ERGIC2: variants seen among roughly 807,000 people sequenced by gnomAD.
ERGIC2 encodes ERGIC and golgi 2.
Under a neutral mutation model 52.5 loss-of-function variants are expected in ERGIC2, and 31 were observed. That is an observed-to-expected ratio of 0.59 (90% CI 0.44 to 0.80). The LOEUF is 0.80. Ranked by LOEUF, ERGIC2 falls within the 30% of genes least tolerant of loss-of-function variation. The probability of loss-of-function intolerance (pLI) is 0.00; values close to 1 mark genes in which losing one functional copy is unlikely to be tolerated. For synonymous variants in ERGIC2, 129 were observed against 140.6 expected (o/e 0.92, Z 0.58); for missense variants, 395 against 455.2 (o/e 0.87, Z 1.20).
At chr12:29,373,437 T>C (rs1940470920) in intron 1 of ERGIC2, among the ~76,000 whole-genome samples, 1 of 152,078 alleles carries the variant, frequency 6.6e-6, no homozygotes, top group Non-Finnish European at 1.5e-5. Flanking sequence ...ATAATGTCTC[T>C]GGAAGAGAGC....
intron 6 of ERGIC2, among the ~76,000 whole-genome samples, chr12:29,357,979 C>A (rs1361159154): frequency 1.3e-5 from 2 of 152,146 alleles, no homozygotes; most frequent in Admixed American, 6.5e-5. Context: ...CCATCAGGAC[C>A]ACCAAAGTAG....
chr12:29,375,819 C>T (rs531864397), intron 1 of ERGIC2, among the ~76,000 whole-genome samples: 2 of 152,212 alleles, frequency 1.3e-5, no homozygotes, highest in Non-Finnish European at 2.9e-5. Context: ...GAATGGAGCA[C>T]CTCGCCCCTC....
At chr12:29,344,252 C>T (rs1347222276) in intron 11 of ERGIC2, among the ~76,000 whole-genome samples, 3 of 152,092 alleles carry the variant, frequency 2.0e-5, no homozygotes, top group African/African-American at 4.8e-5. Flanking sequence ...TTTTGCCCAC[C>T]GTATCTTTGG....
intron 2 of ERGIC2, 121 bp from the exon 3 acceptor site, chr12:29,370,343 T>G (rs1170405849): frequency 2.7e-6 from 3 of 1,094,846 alleles, no homozygotes; most frequent in Non-Finnish European, 3.7e-6. Context: ...TAACTTCCAT[T>G]TGAATGCATA....
intron 8 of ERGIC2, among the ~76,000 whole-genome samples, chr12:29,353,002 C>T (rs550723038): frequency 2.0e-5 from 3 of 152,280 alleles, no homozygotes; most frequent in African/African-American, 7.2e-5. Context: ...CATAAAGGAG[C>T]CTTCTTTCTT....
intron 4 of ERGIC2, among the ~76,000 whole-genome samples, 179 bp from the exon 5 acceptor site, chr12:29,367,126 T>C (rs567985111): frequency 6.6e-6 from 1 of 150,968 alleles, no homozygotes; most frequent in South Asian, 2.1e-4. Context: ...AGTAGCCTTA[T>C]ATAGCTTAGG....
At chr12:29,350,327 T>C (rs1243854864) in intron 8 of ERGIC2, among the ~76,000 whole-genome samples, 3 of 152,154 alleles carry the variant, frequency 2.0e-5, no homozygotes, top group Non-Finnish European at 4.4e-5. Context: ...AAATCAAGTA[T>C]ATTATGTAGT....
chr12:29,342,265 T>C (rs570552268), intron 12 of ERGIC2, among the ~76,000 whole-genome samples: 9 of 152,214 alleles, frequency 5.9e-5, no homozygotes, highest in Admixed American at 2.0e-4. Context: ...CCGCCAGCCT[T>C]GGCCTCCCAA....
chr12:29,340,411 T>C lies in ERGIC2; in HGVS notation c.*745A>G, dbSNP rs1949829373. 1 of 152,324 alleles carries C rather than the reference T, an allele frequency of 6.6e-6. No homozygotes were observed. The highest frequency in any genetic ancestry group is 2.4e-5 in the African/African-American group (1 of 41,456). The allele number at this position is 152,324 out of a possible 1,614,324, so 9.4% of individuals were successfully genotyped here. Reference sequence around the variant, plus strand: ...GGCATCTTTTTTAAAAAAATGTGCTTTCTTTTCCGTGTATAAGATTCTACT... The same window carrying C: ...GGCATCTTTTTTAAAAAAATGTGCTCTCTTTTCCGTGTATAAGATTCTACT... On this transcript the variant is annotated 3_prime_UTR_variant, in exon 14 of 14. Transcript: ENST00000360150.
intron 1 of ERGIC2, among the ~76,000 whole-genome samples, chr12:29,377,672 C>G (rs1940532924): frequency 6.6e-6 from 1 of 152,122 alleles, no homozygotes; most frequent in African/African-American, 2.4e-5. Context: ...TTTTGAAAAA[C>G]TTCCTAAGAC....
intron 1 of ERGIC2, among the ~76,000 whole-genome samples, chr12:29,376,560 C>A (rs1940517636): frequency 6.6e-6 from 1 of 152,184 alleles, no homozygotes; most frequent in Non-Finnish European, 1.5e-5. Context: ...TGAGCAAGGT[C>A]AACCCTTAAA....
intron 8 of ERGIC2, among the ~76,000 whole-genome samples, chr12:29,355,219 C>T (rs1940186578): frequency 6.6e-6 from 1 of 152,078 alleles, no homozygotes; most frequent in African/African-American, 2.4e-5. Context: ...CTCTTATCAG[C>T]CATACTTCTC....
intron 1 of ERGIC2, among the ~76,000 whole-genome samples, chr12:29,375,024 C>T (rs1334063071): frequency 6.6e-6 from 1 of 152,156 alleles, no homozygotes; most frequent in East Asian, 1.9e-4. Flanking sequence ...AACCCAATCA[C>T]TCACAGTCTA....
At chr12:29,353,384 A>AT (rs1940159373) in intron 8 of ERGIC2, among the ~76,000 whole-genome samples, 1 of 152,170 alleles carries the variant, frequency 6.6e-6, no homozygotes, top group Admixed American at 6.5e-5. Flanking sequence ...CAAACAACAA[A>AT]GTTTTTCTGA....
chr12:29,345,730 G>A (rs955014171), intron 10 of ERGIC2, among the ~76,000 whole-genome samples, 190 bp from the exon 11 acceptor site: 1 of 152,078 alleles, frequency 6.6e-6, no homozygotes, highest in Non-Finnish European at 1.5e-5. Context: ...TCTCGAACTT[G>A]AGTCTGGGAG....
At chr12:29,378,315 A>G (rs1940541765) in intron 1 of ERGIC2, among the ~76,000 whole-genome samples, 1 of 152,186 alleles carries the variant, frequency 6.6e-6, no homozygotes, top group Non-Finnish European at 1.5e-5. Flanking sequence ...TAGAGTCTTC[A>G]AGTCTTGCTG....
Position 29,339,946 on chromosome 12 carries a change from GATATTGGTACAC to G in ERGIC2, c.*1198_*1209del, listed in dbSNP as rs1320410365. ...CATTCAGTACTACAAAAGGAAAACTGATATTGGTACACATATTCCAAATACAGCTTTTAATAG... is the reference window on the plus strand; with the variant it reads ...CATTCAGTACTACAAAAGGAAAACTGATATTCCAAATACAGCTTTTAATAG... On this transcript the variant is annotated 3_prime_UTR_variant, in exon 14 of 14. Transcript: ENST00000360150. The G allele has an allele frequency of 1.3e-5, 2 of 152,112 alleles. No homozygotes were observed. Among genetic ancestry groups the G allele is most frequent in the East Asian group, 3.8e-4 (2 of 5,200 alleles). 9.4% of individuals were successfully genotyped at this position (152,112 alleles called of 1,614,324 possible).
At chr12:29,353,827 C>T (rs1940167336) in intron 8 of ERGIC2, among the ~76,000 whole-genome samples, 1 of 151,858 alleles carries the variant, frequency 6.6e-6, no homozygotes, top group South Asian at 2.1e-4. Context: ...ATTAAATCAC[C>T]CTAGTACAGA....
intron 2 of ERGIC2, 97 bp downstream of exon 2, chr12:29,371,431 A>G (rs1162631975): frequency 2.6e-6 from 2 of 764,352 alleles, no homozygotes; most frequent in Admixed American, 5.9e-5. Flanking sequence ...GAATTCATTG[A>G]TAAATTCTTC....
Sources: allele counts gnomAD v4.1 joint callset (sites outside exome capture counted in the v4.1 genomes callset), GRCh38; gene constraint gnomAD v4.1.1; transcripts MANE v1.5; gene names NCBI Gene and HGNC (gene_info 2026-07-23, HGNC 2026-07-21).